The following ASXL2 variants were observed in gnomAD, a reference collection of about 807,000 sequenced individuals.
ASXL2 encodes the protein putative Polycomb group protein ASXL2.
Under a neutral mutation model 122.0 loss-of-function variants are expected in ASXL2, and 23 were observed. The observed-to-expected ratio is 0.19, with a 90% confidence interval of 0.14 to 0.27. The LOEUF (loss-of-function observed/expected upper bound fraction) is 0.27. Ranked by LOEUF, ASXL2 falls within the 10% of genes least tolerant of loss-of-function variation. The pLI is 1.00. For synonymous variants in ASXL2, 650 were observed against 637.0 expected, an observed-to-expected ratio of 1.02 and a Z score of -0.31; for missense variants, 1,518 against 1,713.8, an observed-to-expected ratio of 0.89 and a Z score of 2.02.
At chr2:25,748,161 GTGC>G (rs1456957244) in intron 12 of ASXL2, among the ~76,000 whole-genome samples, 3 of 151,782 alleles carry the variant, frequency 2.0e-5, no homozygotes, top group Non-Finnish European at 4.4e-5. Context: ...CTGGACGACA[GTGC>G]AAGACTCCAT....
intron 3 of ASXL2, among the ~76,000 whole-genome samples, chr2:25,829,764 A>G (rs1226270988): frequency 6.6e-6 from 1 of 152,204 alleles, no homozygotes; most frequent in Non-Finnish European, 1.5e-5. Context: ...CTCAAAAATA[A>G]AGACTAGACT....
rs1332592146 is a variant in ASXL2, at chr2:25,740,644, A to G, written c.*1385T>C. On this transcript the variant is annotated 3_prime_UTR_variant, in exon 13 of 13. Coordinates refer to ENST00000435504, the MANE Select transcript of ASXL2 (RefSeq NM_018263.6). ...ATTTAAAAACAAAAAAGGAAACAAG[A>G]AAGAAAAAGAAACAAAAACAAGCAA... 1 of 227,766 alleles carries G rather than the reference A, an allele frequency of 4.4e-6. No homozygotes were observed. Among genetic ancestry groups the G allele is most frequent in the Non-Finnish European group, 8.7e-6 (1 of 114,786 alleles). 14.1% of individuals were successfully genotyped at this position (227,766 alleles called of 1,614,324 possible).
rs2089087110 is a variant in ASXL2, at chr2:25,806,672, A to C, written c.144-335T>G. ...AATGTCCAGAGGTAAAATGAGAAAAAAGAACACAAACACACACAGATTCAA... is the reference window on the plus strand; with the variant it reads ...AATGTCCAGAGGTAAAATGAGAAAACAGAACACAAACACACACAGATTCAA... On this transcript the variant is annotated intron_variant, in intron 3 of 12. Coordinates refer to ENST00000435504, the MANE Select transcript of ASXL2 (RefSeq NM_018263.6). Among the ~76,000 whole-genome samples, 5 of 152,208 alleles carry C rather than the reference A, an allele frequency of 3.3e-5. No individual in the cohort carries two copies. In the South Asian group the frequency reaches 1.0e-3, roughly 31 times the overall value.
At chr2:25,795,662 G>A (rs553117641) in intron 5 of ASXL2, among the ~76,000 whole-genome samples, 42 of 152,080 alleles carry the variant, frequency 2.8e-4, no homozygotes, top group Non-Finnish European at 5.1e-4. Flanking sequence ...CATGAATCTT[G>A]CTAATTGCTT....
rs139932342 is a variant in ASXL2, at chr2:25,741,791, G to GT, written c.*237dup. The GT allele has an allele frequency of 1.2e-3, 543 of 471,580 alleles. 4 individuals carry two copies. The highest frequency in any genetic ancestry group is 9.6e-3 in the African/African-American group (503 of 52,542). 29.2% of individuals were successfully genotyped at this position (471,580 alleles called of 1,614,324 possible). On this transcript the variant is annotated 3_prime_UTR_variant, in exon 13 of 13. Transcript: ENST00000435504. ...AAATGTGACATATTTACATGATTTT[G>GT]TAAGTGCAAACTTGTCACAAATTCA...
Position 25,738,810 on chromosome 2 carries a change from C to T in ASXL2, c.*3219G>A, listed in dbSNP as rs2087778784. On this transcript the variant is annotated 3_prime_UTR_variant, in exon 13 of 13. Transcript: ENST00000435504. The stretch of plus-strand genomic sequence containing the variant: ...CTCTAAAACATGTACATCCGTATGC[C>T]TTCACAGCCCAATAAGTATGCTCTC... The T allele has an allele frequency of 6.6e-6, 1 of 152,148 alleles. No homozygotes were observed. Among genetic ancestry groups the T allele is most frequent in the South Asian group, 2.1e-4 (1 of 4,826 alleles). 9.4% of individuals were successfully genotyped at this position (152,148 alleles called of 1,614,324 possible). A position where few individuals can be genotyped will look rare whatever the true frequency, so the allele number is the denominator to read the frequency against.
At chr2:25,858,501 G>C (rs550284321) in intron 1 of ASXL2, among the ~76,000 whole-genome samples, 23 of 152,028 alleles carry the variant, frequency 1.5e-4, no homozygotes, top group African/African-American at 5.3e-4. Context: ...GAGGTGGGCG[G>C]ATCATGAGGT....
At chr2:25,863,957 G>C (rs2089867713) in intron 1 of ASXL2, among the ~76,000 whole-genome samples, 1 of 149,306 alleles carries the variant, frequency 6.7e-6, no homozygotes, top group Non-Finnish European at 1.5e-5. Flanking sequence ...AGTAAGCTGA[G>C]ATCACGCCAC....
At chr2:25,774,766 T>C (rs1248552293) in intron 5 of ASXL2, among the ~76,000 whole-genome samples, 1 of 152,256 alleles carries the variant, frequency 6.6e-6, no homozygotes, top group African/African-American at 2.4e-5. Context: ...TTTTAGGTGA[T>C]ACTGCCAGTT....
chr2:25,847,525 A>G (rs1307714052), intron 1 of ASXL2, among the ~76,000 whole-genome samples: 1 of 152,232 alleles, frequency 6.6e-6, no homozygotes, highest in African/African-American at 2.4e-5. Context: ...AAAAACTTGT[A>G]AAACTTGGAT....
In ASXL2 at chr2:25,740,506, T is replaced by C. The variant is rs1028535793; in HGVS notation, c.*1523A>G. 6 of 228,450 alleles carry C rather than the reference T, an allele frequency of 2.6e-5. No homozygotes were observed. Among genetic ancestry groups the C allele is most frequent in the African/African-American group, 1.1e-4 (5 of 45,102 alleles). 14.2% of individuals were successfully genotyped at this position (228,450 alleles called of 1,614,324 possible). ...GAAATCAATATGCAAATGATGCAAA[T>C]TGACACTCCCCCATTTAATACAAAA... is the stretch of plus-strand genomic sequence containing the variant. On this transcript the variant is annotated 3_prime_UTR_variant, in exon 13 of 13. Coordinates refer to ENST00000435504, the MANE Select transcript of ASXL2 (RefSeq NM_018263.6).
intron 3 of ASXL2, among the ~76,000 whole-genome samples, chr2:25,815,580 T>G (rs939741360): frequency 2.6e-5 from 4 of 152,166 alleles, no homozygotes; most frequent in African/African-American, 7.2e-5. Flanking sequence ...ATGAGTGATT[T>G]TAATGTCTCT....
Position 25,865,464 on chromosome 2 carries a change from A to T in ASXL2, c.57+12702T>A, listed in dbSNP as rs111640552. The stretch of plus-strand genomic sequence containing the variant: ...AAATAAAAATAAAAATGTTATAAAA[A>T]TTTTTTTTAAATCCAAATATAGGCT... On this transcript the variant is annotated intron_variant, in intron 1 of 12. Transcript: ENST00000435504. Among the ~76,000 whole-genome samples, 27 of 147,742 alleles carry T rather than the reference A, an allele frequency of 1.8e-4. 1 individual carries two copies. Among genetic ancestry groups the T allele is most frequent in the East Asian group, 1.2e-3 (6 of 4,846 alleles).
At chr2:25,837,953 CAAA>C (rs34490545) in intron 2 of ASXL2, among the ~76,000 whole-genome samples, 1 of 65,370 alleles carries the variant, frequency 1.5e-5, no homozygotes, top group Admixed American at 1.8e-4. Flanking sequence ...CCTGTCTCTA[CAAA>C]AAAAAAAAAA....
At chr2:25,779,628 TA>T (rs1282895455) in intron 5 of ASXL2, among the ~76,000 whole-genome samples, 1 of 152,200 alleles carries the variant, frequency 6.6e-6, no homozygotes, top group Non-Finnish European at 1.5e-5. Flanking sequence ...CATCTCACAA[TA>T]ACTTGTCTAC....
In ASXL2 at chr2:25,778,784, C is replaced by A. The variant is rs193286040; in HGVS notation, c.404-7244G>T. 7.6e-4 allele frequency among the ~76,000 whole-genome samples: 116 copies of A among 152,232 alleles called. 1 individual carries two copies. The highest frequency in any genetic ancestry group is 2.9e-3 in the Admixed American group (45 of 15,282). On this transcript the variant is annotated intron_variant, in intron 5 of 12. Transcript: ENST00000435504. ...TTACAACCTGTCACAGAAAGTTGTCCCAGGCAAATCTTACATAACTTTTGG... is the reference window on the plus strand; with the variant it reads ...TTACAACCTGTCACAGAAAGTTGTCACAGGCAAATCTTACATAACTTTTGG...
Position 25,750,207 on chromosome 2 carries a change from T to A in ASXL2, c.1349A>T (p.Gln450Leu), listed in dbSNP as rs1574395374. 6.2e-7 allele frequency: 1 copy of A among 1,614,022 alleles called. No homozygotes were observed. Among genetic ancestry groups the A allele is most frequent in the African/African-American group, 1.3e-5 (1 of 75,056 alleles). ...GGAGAAGTTCGGCTGCACTTCACCT[T>A]GGCTTTCACACTCTTCTTTTCTGCC... is the stretch of plus-strand genomic sequence containing the variant. ...SPGRKEECES[Q>L]GEVQPNFSTS... Residue 450 changes from glutamine to leucine, a missense_variant, in exon 12 of 13, where the codon CAA becomes CTA. Physicochemically the swap from Gln to Leu is moderately radical, Grantham distance 113. This residue lies in a region of ASXL2 where 292 missense variants were observed against 293.5 expected (regional missense o/e 1.00). Coordinates refer to ENST00000435504, the MANE Select transcript of ASXL2 (RefSeq NM_018263.6).
At chr2:25,839,074 C>G (rs1344723106) in intron 2 of ASXL2, among the ~76,000 whole-genome samples, 1 of 152,100 alleles carries the variant, frequency 6.6e-6, no homozygotes, top group Non-Finnish European at 1.5e-5. Context: ...AAAAAGCAAA[C>G]TGTCTACAGA....
At chr2:25,763,353 G>A (rs1261542869) in intron 8 of ASXL2, among the ~76,000 whole-genome samples, 10 of 152,052 alleles carry the variant, frequency 6.6e-5, no homozygotes, top group African/African-American at 2.2e-4. Context: ...AGCCAGGAGT[G>A]GTGACGTGTG....
Sources: gnomAD v4.1 joint callset for allele counts (sites outside exome capture counted in the v4.1 genomes callset) on GRCh38, gnomAD v4.1.1 for gene constraint, gnomAD v4.1.1 regional missense constraint, MANE v1.5 for transcripts, NCBI Gene and HGNC (gene_info 2026-07-23, HGNC 2026-07-21) for gene names.